Variants in DLG2 observed in about 807,000 individuals in gnomAD.
DLG2 encodes disks large homolog 2.
A neutral mutation model predicts 132.5 loss-of-function variants in DLG2; 45 were observed. That is an observed-to-expected ratio of 0.34 (90% CI 0.27 to 0.44). DLG2 has a LOEUF of 0.44. Among genes scored for constraint, DLG2 ranks in the 20% least tolerant of loss-of-function variants. DLG2 has a pLI of 1.00. For missense variants in DLG2, 1,045 were observed against 1,196.9 expected (o/e 0.87, Z 1.87); for synonymous variants, 424 against 419.6 (o/e 1.01, Z -0.13).
intron 6 of DLG2, among the ~76,000 whole-genome samples, chr11:84,811,029 T>TCA (rs1307274686): frequency 4.6e-5 from 7 of 152,164 alleles, no homozygotes; most frequent in African/African-American, 1.4e-4. Flanking sequence ...ATTTTGATTG[T>TCA]AATATTGTGC....
chr11:84,552,537 C>T (rs2099403825), intron 6 of DLG2, among the ~76,000 whole-genome samples: 1 of 152,186 alleles, frequency 6.6e-6, no homozygotes, highest in Non-Finnish European at 1.5e-5. Context: ...GTCATCTACA[C>T]CTCACCCCCA....
chr11:85,362,095 T>A (rs1003007060), intron 3 of DLG2, among the ~76,000 whole-genome samples: 13 of 152,288 alleles, frequency 8.5e-5, no homozygotes, highest in Admixed American at 3.9e-4. Flanking sequence ...TAGCTGGGAC[T>A]ACTGGCATGG....
At chr11:85,025,114 T>C (rs1175060101) in intron 6 of DLG2, among the ~76,000 whole-genome samples, 1 of 152,208 alleles carries the variant, frequency 6.6e-6, no homozygotes, top group Non-Finnish European at 1.5e-5. Context: ...CATTTTTAAA[T>C]TAAACGTATT....
chr11:84,795,118 C>T (rs2153946855), intron 6 of DLG2, among the ~76,000 whole-genome samples: 1 of 152,324 alleles, frequency 6.6e-6, no homozygotes, highest in South Asian at 2.1e-4. Flanking sequence ...GCCTGTGGAC[C>T]AATCAGCATG....
chr11:83,682,327 C>T, intron 18 of DLG2: 1 of 985,320 alleles, frequency 1.0e-6, no homozygotes, highest in Non-Finnish European at 1.2e-6. Flanking sequence ...ATAAAACAGC[C>T]CCTCCTAGAT....
At chr11:84,945,102 G>A (rs2050032241) in intron 6 of DLG2, among the ~76,000 whole-genome samples, 1 of 152,142 alleles carries the variant, frequency 6.6e-6, no homozygotes, top group Non-Finnish European at 1.5e-5. Context: ...AGTGGATGTT[G>A]GTCAATGTCT....
chr11:85,282,057 A>G (rs2078262896), intron 4 of DLG2, among the ~76,000 whole-genome samples: 1 of 151,996 alleles, frequency 6.6e-6, no homozygotes, highest in Non-Finnish European at 1.5e-5. Context: ...AACTCCTGTC[A>G]TTTGCAACAA....
intron 21 of DLG2, among the ~76,000 whole-genome samples, chr11:83,527,574 T>C (rs1159054990): frequency 2.6e-5 from 4 of 152,034 alleles, no homozygotes; most frequent in Non-Finnish European, 5.9e-5. Flanking sequence ...GAGAGGTGTA[T>C]GTAAACTGTC....
intron 6 of DLG2, among the ~76,000 whole-genome samples, chr11:84,565,034 A>T (rs984733705): frequency 6.6e-6 from 1 of 152,188 alleles, no homozygotes; most frequent in African/African-American, 2.4e-5. Context: ...ACTACATTTT[A>T]AATTCTTCCT....
In DLG2 at chr11:85,136,991, T is replaced by C. The variant is rs2076178458; in HGVS notation, c.282+17565A>G. ...GAGAACCATATATTTATATTAATTA[T>C]ATACATATATACATATGTGCATACA... On this transcript the variant is annotated intron_variant, in intron 5 of 27. Transcript: ENST00000376104. Among the ~76,000 whole-genome samples the C allele has an allele frequency of 2.0e-5, 3 of 151,956 alleles. 1 individual carries two copies. In the South Asian group the frequency reaches 6.2e-4, roughly 31 times the overall value.
chr11:84,344,700 C>T (rs2098531458), intron 7 of DLG2, among the ~76,000 whole-genome samples: 1 of 152,166 alleles, frequency 6.6e-6, no homozygotes, highest in Admixed American at 6.5e-5. Flanking sequence ...CTAGCTATCC[C>T]CCAGTGACTC....
intron 15 of DLG2, among the ~76,000 whole-genome samples, chr11:83,927,500 G>A (rs1235616599): frequency 6.6e-6 from 1 of 152,122 alleles, no homozygotes; most frequent in Non-Finnish European, 1.5e-5. Context: ...AAAAGCATAT[G>A]TGAAACACTT....
intron 3 of DLG2, among the ~76,000 whole-genome samples, chr11:85,300,172 T>C (rs1333948224): frequency 6.6e-6 from 1 of 152,122 alleles, no homozygotes; most frequent in Admixed American, 6.5e-5. Context: ...CTAAGCAAAA[T>C]ATGACAAATT....
At chr11:85,345,687 C>G (rs2082784550) in intron 3 of DLG2, among the ~76,000 whole-genome samples, 1 of 152,040 alleles carries the variant, frequency 6.6e-6, no homozygotes, top group Admixed American at 6.5e-5. Context: ...CAGCAATCAT[C>G]CCTCTTTCAT....
intron 6 of DLG2, among the ~76,000 whole-genome samples, chr11:84,675,459 A>G (rs1411588374): frequency 2.0e-5 from 3 of 152,090 alleles, no homozygotes; most frequent in Non-Finnish European, 2.9e-5. Flanking sequence ...AAGATGAAGT[A>G]TAAAATTTCA....
At chr11:85,011,374 G>C (rs758878358) in intron 6 of DLG2, among the ~76,000 whole-genome samples, 1 of 152,120 alleles carries the variant, frequency 6.6e-6, no homozygotes, top group Non-Finnish European at 1.5e-5. Flanking sequence ...AATATTTGGC[G>C]TGGGATGATG....
At chr11:84,732,422 C>T (rs1324020770) in intron 6 of DLG2, among the ~76,000 whole-genome samples, 12 of 152,126 alleles carry the variant, frequency 7.9e-5, no homozygotes, top group African/African-American at 2.9e-4. Context: ...TCTTCACCAT[C>T]ACCTGGTATT....
intron 6 of DLG2, chr11:84,545,106 G>A (rs1016645772): frequency 2.4e-5 from 11 of 450,476 alleles, no homozygotes; most frequent in African/African-American, 6.0e-5. Context: ...TCTCTCTCAC[G>A]CTAAGCTTTG....
intron 18 of DLG2, among the ~76,000 whole-genome samples, chr11:83,717,539 A>C (rs538884261): frequency 4.7e-4 from 72 of 152,348 alleles, no homozygotes; most frequent in Admixed American, 1.7e-3. Context: ...AACAAAAATA[A>C]AAACAAACAG....
Sources: gnomAD v4.1 joint callset for allele counts (sites outside exome capture counted in the v4.1 genomes callset) on GRCh38, gnomAD v4.1.1 for gene constraint, MANE v1.5 for transcripts, NCBI Gene and HGNC (gene_info 2026-07-23, HGNC 2026-07-21) for gene names.